The following SLC28A3 variants were observed in gnomAD, a reference collection of about 807,000 sequenced individuals.
The protein encoded by SLC28A3 is solute carrier family 28 member 3.
SLC28A3 carries 68 observed loss-of-function variants against 84.2 expected under a neutral mutation model. The ratio of observed to expected loss-of-function variants is 0.81; its 90% CI spans 0.66 to 0.99. SLC28A3 has a LOEUF of 0.99. Ranked by LOEUF, SLC28A3 falls within the 50% of genes least tolerant of loss-of-function variation. The probability of loss-of-function intolerance (pLI) is 0.00; values close to 1 mark genes in which losing one functional copy is unlikely to be tolerated. For synonymous variants in SLC28A3, 267 were observed against 303.6 expected, an observed-to-expected ratio of 0.88 and a Z score of 1.25; for missense variants, 712 against 841.5, an observed-to-expected ratio of 0.85 and a Z score of 1.90.
the SLC28A3 span, among the ~76,000 whole-genome samples, chr9:84,348,445 A>G: frequency 3.0e-4 from 46 of 152,026 alleles, no homozygotes; most frequent in African/African-American, 1.0e-3. Context: ...AGCTTGGGCT[A>G]GTTACTAGTA....
chr9:84,287,998 C>A (rs1327094561), intron 12 of SLC28A3, 50 bp downstream of exon 12: 1 of 1,610,284 alleles, frequency 6.2e-7, no homozygotes, highest in Admixed American at 1.7e-5. Flanking sequence ...TCCTGGAGTC[C>A]CCCGCCCCGG....
chr9:84,309,079 T>TA (rs1303043009), intron 3 of SLC28A3, among the ~76,000 whole-genome samples: 1 of 152,226 alleles, frequency 6.6e-6, no homozygotes. Context: ...TGAATTTAAA[T>TA]CTGCATATTG....
chr9:84,340,379 A>G lies in SLC28A3; in HGVS notation c.60+195T>C, dbSNP rs188530983. Among the ~76,000 whole-genome samples, 6 of 152,300 alleles carry G rather than the reference A, an allele frequency of 3.9e-5. No homozygotes were observed. The East Asian group carries it at 1.2e-3, about 29-fold the overall frequency. On this transcript the variant is annotated intron_variant, in intron 1 of 17. Transcript: ENST00000376238. ...TAAGTGACCATAGGGATCACAACAC[A>G]TCGATTAAAAGAGACTTTTCAGGTT...
chr9:84,339,084 C>T (rs1827073476), intron 1 of SLC28A3, among the ~76,000 whole-genome samples: 1 of 152,078 alleles, frequency 6.6e-6, no homozygotes, highest in South Asian at 2.1e-4. Flanking sequence ...CCATTATTTC[C>T]ACCTCCCACC....
At chr9:84,301,911 A>G (rs113767186) in intron 5 of SLC28A3, among the ~76,000 whole-genome samples, 1 of 152,346 alleles carries the variant, frequency 6.6e-6, no homozygotes, top group African/African-American at 2.4e-5. Flanking sequence ...AATATAGCAC[A>G]TGGAACGTAA....
intron 4 of SLC28A3, among the ~76,000 whole-genome samples, chr9:84,304,725 A>G (rs932242660): frequency 2.0e-5 from 3 of 152,164 alleles, no homozygotes; most frequent in African/African-American, 7.2e-5. Context: ...AAGTGAGTCC[A>G]AAAATTAGCT....
intron 11 of SLC28A3, among the ~76,000 whole-genome samples, chr9:84,289,462 C>G (rs1201410038): frequency 1.3e-5 from 2 of 152,202 alleles, no homozygotes; most frequent in Admixed American, 6.5e-5. Context: ...TACAGACTGC[C>G]AACTCTCAAA....
At chr9:84,343,839 C>T (rs145514398), upstream of SLC28A3, among the ~76,000 whole-genome samples, 3 of 152,224 alleles carry the variant, frequency 2.0e-5, no homozygotes, top group Non-Finnish European at 4.4e-5. Context: ...GCCTATAATC[C>T]CAACACTTTG....
chr9:84,323,733 C>T (rs1447686352), intron 1 of SLC28A3, among the ~76,000 whole-genome samples: 1 of 151,952 alleles, frequency 6.6e-6, no homozygotes, highest in Non-Finnish European at 1.5e-5. Context: ...TATAATCGGG[C>T]CACTGTGCCC....
At chr9:84,335,551 T>C (rs755701462) in intron 1 of SLC28A3, among the ~76,000 whole-genome samples, 1 of 152,064 alleles carries the variant, frequency 6.6e-6, no homozygotes, top group Non-Finnish European at 1.5e-5. Flanking sequence ...CTGTCTCTAT[T>C]TAAAACAACA....
chr9:84,288,112 G>T lies in SLC28A3; in HGVS notation c.1216C>A (p.Leu406Ile), dbSNP rs745704919. The change falls in exon 12 of 18, where the codon CTC becomes ATC. Residue 406 changes from leucine to isoleucine, a missense_variant. Coordinates refer to ENST00000376238, the MANE Select transcript of SLC28A3 (RefSeq NM_001199633.2). ...SAPASLAAAK[L>I]FWPETEKPKI... ...GGTTTTTCTGTCTCAGGCCAAAAGA[G>T]TTTAGCAGCAGCCAATGACGCAGGT... is the stretch of plus-strand genomic sequence containing the variant. The T allele has an allele frequency of 6.2e-7, 1 of 1,614,146 alleles. No homozygotes were observed. Among genetic ancestry groups the T allele is most frequent in the Non-Finnish European group, 8.5e-7 (1 of 1,179,994 alleles).
chr9:84,341,006 CAA>C (rs199976722), upstream of SLC28A3, among the ~76,000 whole-genome samples: 655 of 135,902 alleles, frequency 4.8e-3, 37 homozygotes, highest in East Asian at 0.11. Context: ...GATGGAGTCT[CAA>C]AAAAAAAAAG....
chr9:84,326,226 T>C (rs149414447), intron 1 of SLC28A3, among the ~76,000 whole-genome samples: 18 of 152,262 alleles, frequency 1.2e-4, no homozygotes, highest in African/African-American at 4.1e-4. Context: ...GAAGCATCCA[T>C]GGCCCAGCTT....
At chr9:84,327,030 C>A (rs968043819) in intron 1 of SLC28A3, among the ~76,000 whole-genome samples, 9 of 150,440 alleles carry the variant, frequency 6.0e-5, no homozygotes, top group African/African-American at 2.2e-4. Flanking sequence ...CAAAAACACC[C>A]AAAAAACATA....
chr9:84,309,735 C>G, intron 2 of SLC28A3, 21 bp from the exon 3 acceptor site: 1 of 1,608,698 alleles, frequency 6.2e-7, no homozygotes, highest in Non-Finnish European at 8.5e-7. Flanking sequence ...AACATTGGAG[C>G]AGAGATGGAA....
At chr9:84,302,724 G>A (rs140690616) in intron 4 of SLC28A3, among the ~76,000 whole-genome samples, 1 of 152,260 alleles carries the variant, frequency 6.6e-6, no homozygotes, top group African/African-American at 2.4e-5. Context: ...CTCGGCAGGT[G>A]AGCTACTATC....
intron 11 of SLC28A3, among the ~76,000 whole-genome samples, chr9:84,288,589 AC>A (rs1564148724): frequency 6.6e-6 from 1 of 151,528 alleles, no homozygotes; most frequent in Non-Finnish European, 1.5e-5. Flanking sequence ...TTGCTCCGTC[AC>A]CCAGGAGTGC....
intron 1 of SLC28A3, among the ~76,000 whole-genome samples, chr9:84,316,757 C>T (rs1474724591): frequency 1.3e-5 from 2 of 152,092 alleles, no homozygotes; most frequent in Non-Finnish European, 2.9e-5. Context: ...AATCCCAGCA[C>T]ATTGGGAGGC....
chr9:84,340,865 C>A (rs1352536271), upstream of SLC28A3, among the ~76,000 whole-genome samples: 2 of 152,116 alleles, frequency 1.3e-5, no homozygotes, highest in Non-Finnish European at 2.9e-5. Context: ...GCTGGCCCGC[C>A]CACCTTATTA....
Sources: gnomAD v4.1 joint callset for allele counts (sites outside exome capture counted in the v4.1 genomes callset) on GRCh38, gnomAD v4.1.1 for gene constraint, MANE v1.5 for transcripts, NCBI Gene and HGNC (gene_info 2026-07-23, HGNC 2026-07-21) for gene names.